Variants in GSE1 observed in about 807,000 individuals in gnomAD.
GSE1 encodes genetic suppressor element 1.
In GSE1, 32 loss-of-function variants were observed where a neutral mutation model predicts 112.6. That is an observed-to-expected ratio of 0.28 (90% CI 0.21 to 0.38). The LOEUF is 0.38. Ranked by LOEUF, GSE1 falls within the 10% of genes least tolerant of loss-of-function variation. The pLI, the probability that GSE1 is intolerant of heterozygous loss-of-function variation, is 1.00. For missense variants in GSE1, 2,348 were observed against 1,699.2 expected (o/e 1.38, Z -6.71); for synonymous variants, 1,115 against 735.6 (o/e 1.52, Z -8.35).
intron 2 of GSE1, among the ~76,000 whole-genome samples, chr16:85,461,809 G>C (rs1166063658): frequency 6.6e-6 from 1 of 151,822 alleles, no homozygotes; most frequent in African/African-American, 2.4e-5. Flanking sequence ...TTCCATCCCC[G>C]CGGCTGGGCC....
Position 85,528,685 on chromosome 16 carries a change from G to GTTTTTTA in GSE1, c.2465-105229_2465-105228insTTTTTTA, listed in dbSNP as rs1567563210. On this transcript the variant is annotated intron_variant, in intron 2 of 2. Coordinates refer to the GSE1 transcript ENST00000637419. ...TTTGTTTTGTTTTGTTTTGTTTTTT[G>GTTTTTTA]ATGGGGTGGTCAGGAAGGGCCTTCT... is the stretch of plus-strand genomic sequence containing the variant. Among the ~76,000 whole-genome samples the GTTTTTTA allele has an allele frequency of 1.6e-3, 222 of 140,506 alleles. 1 individual carries two copies. The highest frequency in any genetic ancestry group is 4.7e-3 in the African/African-American group (183 of 39,134). 92.2% of individuals were successfully genotyped at this position (140,506 alleles called of 152,430 possible).
At chr16:85,362,034 A>C (rs1320742002) in intron 2 of GSE1, among the ~76,000 whole-genome samples, 1 of 152,138 alleles carries the variant, frequency 6.6e-6, no homozygotes, top group Non-Finnish European at 1.5e-5. Flanking sequence ...GCCGTCTGGG[A>C]GGTGGCCACT....
intron 1 of GSE1, among the ~76,000 whole-genome samples, chr16:85,174,585 C>T (rs1340543903): frequency 2.0e-5 from 3 of 152,210 alleles, no homozygotes; most frequent in South Asian, 4.1e-4. Context: ...CTGAGCCAGG[C>T]GCGGTTCCAG....
chr16:85,509,578 C>T (rs1040347556), intron 2 of GSE1, among the ~76,000 whole-genome samples: 4 of 152,362 alleles, frequency 2.6e-5, no homozygotes, highest in African/African-American at 7.2e-5. Flanking sequence ...TGGTGCTTTG[C>T]GGGTGCCTGA....
At chr16:85,518,980 A>C (rs1308987196) in intron 2 of GSE1, among the ~76,000 whole-genome samples, 1 of 151,796 alleles carries the variant, frequency 6.6e-6, no homozygotes, top group East Asian at 1.9e-4. Flanking sequence ...TGAGAAGCGC[A>C]CTCTGGACCC....
At chr16:85,233,219 C>G (rs1904307880) in intron 1 of GSE1, among the ~76,000 whole-genome samples, 1 of 152,300 alleles carries the variant, frequency 6.6e-6, no homozygotes, top group Non-Finnish European at 1.5e-5. Context: ...GGTGTCTACC[C>G]AGCCTCGTTT....
intron 1 of GSE1, among the ~76,000 whole-genome samples, chr16:85,351,394 C>T (rs770408684): frequency 6.6e-6 from 1 of 152,142 alleles, no homozygotes; most frequent in Admixed American, 6.5e-5. Flanking sequence ...AAAAAGAAGG[C>T]AGCACAAAAG....
chr16:85,625,183 C>G (rs2048987257), intron 1 of GSE1, among the ~76,000 whole-genome samples: 1 of 152,164 alleles, frequency 6.6e-6, no homozygotes, highest in Non-Finnish European at 1.5e-5. Flanking sequence ...GCCAGTCCCG[C>G]CCTTCCCGCC....
At chr16:85,403,241 G>A (rs1239672220) in intron 2 of GSE1, among the ~76,000 whole-genome samples, 1 of 152,184 alleles carries the variant, frequency 6.6e-6, no homozygotes, top group Admixed American at 6.5e-5. Flanking sequence ...CACACGCAAT[G>A]GCAACCACAG....
intron 1 of GSE1, among the ~76,000 whole-genome samples, chr16:85,201,458 G>A (rs1020583457): frequency 4.6e-5 from 7 of 151,768 alleles, no homozygotes; most frequent in African/African-American, 1.7e-4. Flanking sequence ...AGGAGTTTGA[G>A]ACCAGCCTGA....
chr16:85,657,205 T>G (rs2052035802), intron 7 of GSE1, 72 bp from the exon 8 acceptor site: 1 of 1,069,840 alleles, frequency 9.3e-7, no homozygotes. Flanking sequence ...GGCAGTTGGG[T>G]GAGAGAGGAC....
At chr16:85,250,150 G>A (rs574144404) in intron 1 of GSE1, among the ~76,000 whole-genome samples, 1 of 152,146 alleles carries the variant, frequency 6.6e-6, no homozygotes, top group East Asian at 1.9e-4. Context: ...AGGCCAGGCC[G>A]AGCCCTTGGC....
chr16:85,655,018 G>T (rs553420464), intron 5 of GSE1, 27 bp downstream of exon 5: 46 of 1,411,094 alleles, frequency 3.3e-5, no homozygotes, highest in South Asian at 3.2e-4. Context: ...GCGCCCTCTC[G>T]TCTAGGTGCT....
At chr16:85,193,845 A>C (rs1282678485) in intron 1 of GSE1, among the ~76,000 whole-genome samples, 1 of 152,208 alleles carries the variant, frequency 6.6e-6, no homozygotes, top group African/African-American at 2.4e-5. Context: ...CCCTTCACTG[A>C]ATGTTTCCCA....
intron 2 of GSE1, among the ~76,000 whole-genome samples, chr16:85,397,717 G>A (rs566211662): frequency 7.2e-5 from 11 of 152,328 alleles, no homozygotes; most frequent in Admixed American, 3.3e-4. Context: ...CACCTGCATC[G>A]CCTTTGCCCC....
At chr16:85,626,055 C>T (rs1232356293) in intron 1 of GSE1, among the ~76,000 whole-genome samples, 1 of 152,152 alleles carries the variant, frequency 6.6e-6, no homozygotes, top group African/African-American at 2.4e-5. Flanking sequence ...TGAGTGATGG[C>T]CCTGGCCGGT....
chr16:85,223,999 TATC>T (rs937478760), intron 1 of GSE1, among the ~76,000 whole-genome samples: 102 of 152,206 alleles, frequency 6.7e-4, no homozygotes, highest in African/African-American at 2.4e-3. Context: ...CCAGAACTTT[TATC>T]ATCACCCCAA....
chr16:85,634,236 C>G (rs1435709141), intron 2 of GSE1, 104 bp downstream of exon 2: 3 of 795,538 alleles, frequency 3.8e-6, no homozygotes, highest in African/African-American at 3.7e-5. Flanking sequence ...TCTCGTCTTT[C>G]CCACGCCGTG....
intron 2 of GSE1, among the ~76,000 whole-genome samples, chr16:85,392,510 C>A (rs935432149): frequency 6.6e-6 from 1 of 152,122 alleles, no homozygotes; most frequent in Admixed American, 6.5e-5. Context: ...TAGCTGCCCA[C>A]TTTTGTGAGT....
Sources: gnomAD v4.1 joint callset for allele counts (sites outside exome capture counted in the v4.1 genomes callset) on GRCh38, gnomAD v4.1.1 for gene constraint, MANE v1.5 for transcripts, NCBI Gene and HGNC (gene_info 2026-07-23, HGNC 2026-07-21) for gene names.